NANOS3: variants seen among roughly 807,000 people sequenced by gnomAD.
NANOS3 encodes the protein nanos C2HC-type zinc finger 3, also known as nanos homolog 3.
Under a neutral mutation model 13.8 loss-of-function variants are expected in NANOS3, and 11 were observed. The ratio of observed to expected loss-of-function variants is 0.80; its 90% CI spans 0.50 to 1.32. The LOEUF (loss-of-function observed/expected upper bound fraction) is 1.32, where lower values mean the gene tolerates loss of function less well. NANOS3 is among the 40% of genes most tolerant of loss of function. NANOS3 has a pLI of 0.00. For missense variants in NANOS3, 221 were observed against 263.8 expected (o/e 0.84, Z 1.12); for synonymous variants, 119 against 115.4 (o/e 1.03, Z -0.20).
chr19:13,875,143 A>G (rs1487176888), upstream of NANOS3: 3 of 319,000 alleles, frequency 9.4e-6, no homozygotes, highest in African/African-American at 2.1e-5. Context: ...ACTAAATATT[A>G]GAGGGTTGGG....
At chr19:13,862,427 C>T (rs1418930569), upstream of NANOS3, among the ~76,000 whole-genome samples, 1 of 152,200 alleles carries the variant, frequency 6.6e-6, no homozygotes, top group African/African-American at 2.4e-5. Context: ...ACTCTGCTGC[C>T]CCCTGCTGGT....
At chr19:13,864,365 T>A (rs1164826708), upstream of NANOS3, among the ~76,000 whole-genome samples, 1 of 152,020 alleles carries the variant, frequency 6.6e-6, no homozygotes. Flanking sequence ...CACGTGCCCC[T>A]GAATTGCGTG....
At chr19:13,866,433 C>A (rs1312696915) in intron 1 of NANOS3, among the ~76,000 whole-genome samples, 1 of 152,096 alleles carries the variant, frequency 6.6e-6, no homozygotes, top group Non-Finnish European at 1.5e-5. Context: ...ATTCCCAAGG[C>A]CCTGATGGAG....
At chr19:13,869,445 CCACCG>C (rs1173946800) in intron 1 of NANOS3, among the ~76,000 whole-genome samples, 2 of 152,108 alleles carry the variant, frequency 1.3e-5, no homozygotes, top group East Asian at 3.9e-4. Flanking sequence ...CCTAGCCCAC[CCACCG>C]CCCACGGGCT....
intron 1 of NANOS3, 135 bp from the exon 2 acceptor site, chr19:13,880,307 G>T (rs898776308): frequency 2.7e-6 from 2 of 736,194 alleles, no homozygotes; most frequent in Non-Finnish European, 4.6e-6. Context: ...GAGACGTCAC[G>T]GGGTCGCTGT....
At chr19:13,865,342 A>C (rs1976217949), upstream of NANOS3, 1 of 144,866 alleles carries the variant, frequency 6.9e-6, no homozygotes, top group African/African-American at 2.5e-5. Context: ...GAGCCGCCGA[A>C]ATGCAATTTC....
chr19:13,862,047 G>C (rs1349576653), upstream of NANOS3: 1 of 152,436 alleles, frequency 6.6e-6, no homozygotes, highest in Admixed American at 6.5e-5. Flanking sequence ...GAGGAGTCTG[G>C]GGGGTGAGAA....
chr19:13,873,859 C>CG (rs1247096797), upstream of NANOS3, among the ~76,000 whole-genome samples: 2 of 111,928 alleles, frequency 1.8e-5, no homozygotes, highest in African/African-American at 3.6e-5. Context: ...GCTTGGCTTG[C>CG]GGGGGGTGGG....
upstream of NANOS3, among the ~76,000 whole-genome samples, chr19:13,876,306 TTTTGTGTG>T (rs1968509030): frequency 8.3e-6 from 1 of 121,126 alleles, no homozygotes; most frequent in African/African-American, 4.8e-5. Flanking sequence ...GCCCAGCTAA[TTTTGTGTG>T]TGTGTGTGTG....
upstream of NANOS3, among the ~76,000 whole-genome samples, chr19:13,864,147 T>C (rs548003791): frequency 1.3e-5 from 2 of 151,520 alleles, no homozygotes; most frequent in South Asian, 4.2e-4. Flanking sequence ...AGGGGCAGTG[T>C]GTGGAGCCTC....
chr19:13,877,889 C>T (rs144592288), intron 1 of NANOS3, 124 bp downstream of exon 1: 263 of 1,419,300 alleles, frequency 1.9e-4, no homozygotes, highest in Non-Finnish European at 2.4e-4. Flanking sequence ...GAGCTTAGAA[C>T]AGCAGTTGAT....
upstream of NANOS3, among the ~76,000 whole-genome samples, chr19:13,876,161 CAG>C (rs1968505533): frequency 1.3e-5 from 2 of 152,088 alleles, no homozygotes; most frequent in African/African-American, 2.4e-5. Flanking sequence ...TGTTTTGAGA[CAG>C]AGTCTTACTC....
chr19:13,866,155 G>A (rs762848782), intron 1 of NANOS3, among the ~76,000 whole-genome samples: 1 of 152,116 alleles, frequency 6.6e-6, no homozygotes, highest in Non-Finnish European at 1.5e-5. Context: ...ACAGGAACCC[G>A]CCCTCCAAAA....
chr19:13,867,866 G>A (rs1490520432), intron 1 of NANOS3, among the ~76,000 whole-genome samples: 3 of 151,920 alleles, frequency 2.0e-5, no homozygotes, highest in African/African-American at 7.3e-5. Flanking sequence ...TATGCCCATC[G>A]TCACCTACCC....
At chr19:13,865,112 G>T (rs1599296349), upstream of NANOS3, among the ~76,000 whole-genome samples, 2 of 151,890 alleles carry the variant, frequency 1.3e-5, no homozygotes, top group South Asian at 4.1e-4. Context: ...GTCCCGGTGC[G>T]CCTGGCAGGA....
rs183827761 is a variant in NANOS3, at chr19:13,870,400, G to A, written n.21+4963G>A. On this transcript the variant is annotated intron_variant and non_coding_transcript_variant, in intron 1 of 2. Coordinates refer to the NANOS3 transcript ENST00000591161. ...GCCCAGCCTTGTTCTTCAGCTTGAC[G>A]GTAGAGCTGCCTCCATCCATCCATC... 5.3e-5 allele frequency among the ~76,000 whole-genome samples: 8 copies of A among 151,776 alleles called. No homozygotes were observed. The East Asian group carries it at 1.4e-3, about 26-fold the overall frequency.
intron 1 of NANOS3, among the ~76,000 whole-genome samples, chr19:13,869,879 C>A (rs1976300438): frequency 6.6e-6 from 1 of 152,018 alleles, no homozygotes; most frequent in South Asian, 2.1e-4. Flanking sequence ...ACACCCCCAA[C>A]CCCCATGCAC....
At position 13,880,658 on chromosome 19, in the gene NANOS3, C is replaced by T; in HGVS notation, c.*155C>T. The T allele has an allele frequency of 1.5e-6, 1 of 658,064 alleles. No individual in the cohort carries two copies. The highest frequency in any genetic ancestry group is 2.7e-6 in the Non-Finnish European group (1 of 375,520). 40.8% of individuals were successfully genotyped at this position (658,064 alleles called of 1,614,324 possible). On this transcript the variant is annotated 3_prime_UTR_variant, in exon 2 of 2. Coordinates refer to ENST00000339133, the MANE Select transcript of NANOS3 (RefSeq NM_001098622.3). ...GTTGGCAAGGGAAGAGCTGAAATCGCCCTGTCCTTGGGGACCCCACCCTTT... is the reference window on the plus strand; with the variant it reads ...GTTGGCAAGGGAAGAGCTGAAATCGTCCTGTCCTTGGGGACCCCACCCTTT...
chr19:13,879,890 G>A (rs1343307719), intron 1 of NANOS3, among the ~76,000 whole-genome samples: 2 of 152,160 alleles, frequency 1.3e-5, no homozygotes, highest in Non-Finnish European at 2.9e-5. Flanking sequence ...ACTGGGCATG[G>A]TGGCATGCGC....
Sources: allele counts gnomAD v4.1 joint callset (sites outside exome capture counted in the v4.1 genomes callset), GRCh38; gene constraint gnomAD v4.1.1; transcripts MANE v1.5; gene names NCBI Gene and HGNC (gene_info 2026-07-23, HGNC 2026-07-21).